Variants in OIT3 observed in about 807,000 individuals in gnomAD.
OIT3 encodes the protein oncoprotein-induced transcript 3 protein.
OIT3 carries 41 observed loss-of-function variants against 52.2 expected under a neutral mutation model. The ratio of observed to expected loss-of-function variants is 0.79; its 90% CI spans 0.61 to 1.02. OIT3 has a LOEUF of 1.02. Ranked by LOEUF, OIT3 falls within the 50% of genes least tolerant of loss-of-function variation. The pLI is 0.00. For synonymous variants in OIT3, 244 were observed against 276.9 expected (o/e 0.88, Z 1.18); for missense variants, 634 against 715.5 (o/e 0.89, Z 1.30).
chr10:72,904,111 C>T (rs1206324074), intron 3 of OIT3, among the ~76,000 whole-genome samples: 2 of 152,164 alleles, frequency 1.3e-5, no homozygotes, highest in African/African-American at 4.8e-5. Context: ...GTGAAAATCC[C>T]TGTCCTGTTC....
intron 8 of OIT3, 53 bp from the exon 9 acceptor site, chr10:72,932,301 C>G: frequency 6.5e-7 from 1 of 1,528,820 alleles, no homozygotes; most frequent in Non-Finnish European, 9.1e-7. Context: ...TGTAAGTGCC[C>G]CACAAGTGGC....
At chr10:72,901,925 G>A (rs1845938259) in intron 3 of OIT3, among the ~76,000 whole-genome samples, 1 of 152,084 alleles carries the variant, frequency 6.6e-6, no homozygotes, top group Non-Finnish European at 1.5e-5. Context: ...TTCCAAAGTA[G>A]CTGTAGTCTC....
In OIT3 at chr10:72,920,987, T is replaced by C. The variant is rs186618547; in HGVS notation, c.952-3242T>C. Among the ~76,000 whole-genome samples, 438 of 152,338 alleles carry C rather than the reference T, an allele frequency of 2.9e-3. 2 individuals are homozygous for C. The highest frequency in any genetic ancestry group is 1.0e-2 in the African/African-American group (414 of 41,574). ...CAGGTCCTAAATATCTTTGTTAATT[T>C]CTGTCTTGATGATCTAATATTGTCA... On this transcript the variant is annotated intron_variant, in intron 6 of 8. Coordinates refer to ENST00000334011, the MANE Select transcript of OIT3 (RefSeq NM_152635.3).
chr10:72,931,665 A>T (rs1191879343), intron 8 of OIT3, among the ~76,000 whole-genome samples: 3 of 152,234 alleles, frequency 2.0e-5, no homozygotes, highest in African/African-American at 7.2e-5. Context: ...GGAAAAGCAG[A>T]CATAAAAACT....
intron 1 of OIT3, among the ~76,000 whole-genome samples, chr10:72,894,328 G>A (rs1253056597): frequency 6.6e-6 from 1 of 152,150 alleles, no homozygotes; most frequent in Non-Finnish European, 1.5e-5. Flanking sequence ...TGCACAGATC[G>A]AGTGAATCTT....
Position 72,924,230 on chromosome 10 carries a change from TG to T in OIT3, c.955del (p.Val319Ter). On this transcript the variant is annotated frameshift_variant and splice_region_variant, in exon 7 of 9. Coordinates refer to ENST00000334011, the MANE Select transcript of OIT3 (RefSeq NM_152635.3). LOFTEE classifies it high-confidence loss of function. ...TCTCCTCACCCTGGCCTGGCTCAGG[TG>T]GTGAATGACAAGATTGTGGCCAGCA... ...SLKTCGTVVD[V>X]VNDKIVASNL... 6.3e-7 allele frequency: 1 copy of T among 1,588,358 alleles called. No individual in the cohort carries two copies. The highest frequency in any genetic ancestry group is 8.6e-7 in the Non-Finnish European group (1 of 1,163,466).
intron 6 of OIT3, chr10:72,918,594 C>G (rs1846094705): frequency 2.6e-6 from 2 of 783,852 alleles, no homozygotes; most frequent in Admixed American, 3.7e-5. Flanking sequence ...CACCACTGCT[C>G]AAGAGAACAG....
chr10:72,894,256 T>TG (rs908949787), intron 1 of OIT3, among the ~76,000 whole-genome samples: 22 of 152,058 alleles, frequency 1.4e-4, no homozygotes, highest in Non-Finnish European at 3.1e-4. Context: ...TCTGTTGCCA[T>TG]GGGGGGCACA....
At chr10:72,901,068 T>C (rs1368070299) in intron 3 of OIT3, among the ~76,000 whole-genome samples, 2 of 152,094 alleles carry the variant, frequency 1.3e-5, no homozygotes, top group Admixed American at 6.6e-5. Flanking sequence ...ACTCTGTTTC[T>C]AAAAATAATA....
At chr10:72,901,208 A>T (rs181912934) in intron 3 of OIT3, among the ~76,000 whole-genome samples, 8 of 152,306 alleles carry the variant, frequency 5.3e-5, no homozygotes, top group East Asian at 1.9e-4. Flanking sequence ...CTACTAAAAA[A>T]TTTTAAATAT....
intron 6 of OIT3, chr10:72,918,330 C>T: frequency 2.6e-6 from 2 of 768,814 alleles, no homozygotes; most frequent in South Asian, 2.7e-5. Flanking sequence ...AATTGGACTG[C>T]CTTCGTAATT....
At chr10:72,906,545 A>T in intron 3 of OIT3, 51 bp from the exon 4 acceptor site, 1 of 1,607,790 alleles carries the variant, frequency 6.2e-7, no homozygotes, top group Non-Finnish European at 8.5e-7. Flanking sequence ...GGGGTTGGGA[A>T]AAGGCTGAAT....
At chr10:72,918,258 T>G (rs1846090949) in intron 6 of OIT3, 1 of 805,096 alleles carries the variant, frequency 1.2e-6, no homozygotes. Flanking sequence ...GGGTGTTATT[T>G]CAAAGCCCCC....
intron 3 of OIT3, among the ~76,000 whole-genome samples, chr10:72,905,411 C>A (rs1282273448): frequency 6.6e-6 from 1 of 152,006 alleles, no homozygotes; most frequent in Non-Finnish European, 1.5e-5. Context: ...GCAGGGGTTG[C>A]AGTGAGCAGA....
chr10:72,898,695 G>A lies in OIT3; in HGVS notation c.93G>A (p.Leu31=), dbSNP rs1167704808. ...ALDPCSAYIS[L]NEPWRNTDHQ... ...ATCCTTGTTCTGCTTACATCAGCCTGAATGAGCCCTGGAGGAACACTGACC... is the reference window on the plus strand; with the variant it reads ...ATCCTTGTTCTGCTTACATCAGCCTAAATGAGCCCTGGAGGAACACTGACC... The change falls in exon 2 of 9, where the codon CTG becomes CTA. Residue 31 remains leucine, a synonymous_variant. Coordinates refer to ENST00000334011, the MANE Select transcript of OIT3 (RefSeq NM_152635.3). 6.2e-7 allele frequency: 1 copy of A among 1,613,522 alleles called. No individual in the cohort carries two copies. The highest frequency in any genetic ancestry group is 1.3e-5 in the African/African-American group (1 of 74,904).
intron 6 of OIT3, chr10:72,913,679 T>C (rs1179397238): frequency 1.5e-6 from 1 of 665,630 alleles, no homozygotes; most frequent in Non-Finnish European, 2.8e-6. Flanking sequence ...GCTATTCCTG[T>C]TTTCAAATAG....
At chr10:72,899,545 A>C (rs1845908700) in intron 2 of OIT3, among the ~76,000 whole-genome samples, 1 of 151,650 alleles carries the variant, frequency 6.6e-6, no homozygotes, top group Non-Finnish European at 1.5e-5. Context: ...CGGTGAGGCG[A>C]AAATCGTGCC....
At chr10:72,918,487 GT>G in intron 6 of OIT3, 1 of 1,348,016 alleles carries the variant, frequency 7.4e-7, no homozygotes, top group Non-Finnish European at 1.0e-6. Context: ...CAAAAAGATA[GT>G]TCTGGGGCCT....
At position 72,924,625 on chromosome 10, in the gene OIT3, TA is replaced by T. The variant is rs746926734; in HGVS notation, c.1349del (p.Tyr450SerfsTer14). 1.9e-6 allele frequency: 3 copies of T among 1,611,440 alleles called. No homozygotes were observed. Among genetic ancestry groups the T allele is most frequent in the Non-Finnish European group, 1.7e-6 (2 of 1,178,354 alleles). On this transcript the variant is annotated frameshift_variant, in exon 7 of 9. Transcript: ENST00000334011. LOFTEE classifies it high-confidence loss of function. ...PTSKIDEVLK[Y>X]YLIRDGCVSD... is the part of the protein sequence containing the mutation. Reference sequence around the variant, plus strand: ...CTCCAAGATCGACGAGGTCCTGAAATACTACCTCATCCGGGATGGGTAATGC... The same window carrying T: ...CTCCAAGATCGACGAGGTCCTGAAATCTACCTCATCCGGGATGGGTAATGC...
Sources: gnomAD v4.1 joint callset for allele counts (sites outside exome capture counted in the v4.1 genomes callset) on GRCh38, gnomAD v4.1.1 for gene constraint, MANE v1.5 for transcripts, NCBI Gene and HGNC (gene_info 2026-07-23, HGNC 2026-07-21) for gene names.